The following LCLAT1 variants were observed in gnomAD, a reference collection of about 807,000 sequenced individuals.
LCLAT1 encodes 1-AGP acyltransferase 8.
LCLAT1 carries 11 observed loss-of-function variants against 30.7 expected under a neutral mutation model. The ratio of observed to expected loss-of-function variants is 0.36; its 90% CI spans 0.23 to 0.59. LCLAT1 has a LOEUF of 0.59. Ranked by LOEUF, LCLAT1 falls within the 20% of genes least tolerant of loss-of-function variation. The pLI is 0.77. For missense variants in LCLAT1, 402 were observed against 458.6 expected, an observed-to-expected ratio of 0.88 and a Z score of 1.13; for synonymous variants, 155 against 151.3, an observed-to-expected ratio of 1.02 and a Z score of -0.18.
At chr2:30,619,793 T>C (rs576465707) in intron 5 of LCLAT1, among the ~76,000 whole-genome samples, 1 of 152,124 alleles carries the variant, frequency 6.6e-6, no homozygotes, top group Non-Finnish European at 1.5e-5. Flanking sequence ...TCCCTTTAAG[T>C]TTTTCCCCCC....
intron 1 of LCLAT1, among the ~76,000 whole-genome samples, chr2:30,517,308 T>G (rs1367956054): frequency 6.6e-6 from 1 of 151,142 alleles, no homozygotes; most frequent in East Asian, 1.9e-4. Flanking sequence ...ACCCAGGGAG[T>G]CTTGCCCCTG....
rs1053913171 is a variant in LCLAT1 at position 30,615,596 on chromosome 2, C to G, written c.629-24521C>G. 5.9e-5 allele frequency among the ~76,000 whole-genome samples: 9 copies of G among 152,120 alleles called. No homozygotes were observed. The South Asian group carries it at 1.9e-3, about 32-fold the overall frequency. On this transcript the variant is annotated intron_variant, in intron 5 of 5. Transcript: ENST00000379509. ...CTAGCCTTCATTCCCTGCCGAAAAA[C>G]TTAAATACTTCCACCAAAACTTGTG... is the stretch of plus-strand genomic sequence containing the variant.
chr2:30,571,037 A>G (rs1665755801), intron 5 of LCLAT1, among the ~76,000 whole-genome samples: 1 of 152,208 alleles, frequency 6.6e-6, no homozygotes, highest in Non-Finnish European at 1.5e-5. Flanking sequence ...AAGCTCATGT[A>G]TTATTAAGAC....
chr2:30,633,778 G>T (rs1668882902), intron 5 of LCLAT1, among the ~76,000 whole-genome samples: 1 of 152,192 alleles, frequency 6.6e-6, no homozygotes, highest in South Asian at 2.1e-4. Flanking sequence ...GTTGTTATGA[G>T]ATCACTGAGT....
chr2:30,507,712 T>G (rs976825558), intron 1 of LCLAT1, among the ~76,000 whole-genome samples: 1 of 152,212 alleles, frequency 6.6e-6, no homozygotes, highest in East Asian at 1.9e-4. Flanking sequence ...CAGTCTACCA[T>G]TGATGGGCAT....
chr2:30,500,726 G>T (rs1684333935), intron 1 of LCLAT1, among the ~76,000 whole-genome samples: 1 of 152,122 alleles, frequency 6.6e-6, no homozygotes, highest in Admixed American at 6.5e-5. Flanking sequence ...TCATCATTTT[G>T]CTTGTATCTA....
Position 30,562,302 on chromosome 2 carries a change from C to T in LCLAT1, c.511+10C>T. 1 of 1,582,620 alleles carries T rather than the reference C, an allele frequency of 6.3e-7. No individual in the cohort carries two copies. Among genetic ancestry groups the T allele is most frequent in the Non-Finnish European group, 8.6e-7 (1 of 1,159,502 alleles). ...GGGACTGATCTCACAGGTAATGTAG[C>T]CTGGGTTTGGCAAAGTTAGAAATCA... On this transcript the variant is annotated intron_variant, in intron 4 of 5. Transcript: ENST00000379509.
At chr2:30,489,123 A>C (rs1683705692) in intron 1 of LCLAT1, 1 of 152,210 alleles carries the variant, frequency 6.6e-6, no homozygotes, top group Admixed American at 6.5e-5. Context: ...GACCCTGGCA[A>C]GTATCTTAAT....
chr2:30,473,158 T>C (rs1294411843), intron 1 of LCLAT1, among the ~76,000 whole-genome samples: 1 of 152,192 alleles, frequency 6.6e-6, no homozygotes, highest in Non-Finnish European at 1.5e-5. Flanking sequence ...AAATTATATA[T>C]GTATGACAGT....
intron 5 of LCLAT1, among the ~76,000 whole-genome samples, chr2:30,625,065 AC>A (rs2148520691): frequency 6.6e-6 from 1 of 152,310 alleles, no homozygotes; most frequent in South Asian, 2.1e-4. Context: ...TAGTGATAGA[AC>A]CTATCAAAAC....
At chr2:30,593,078 T>G (rs1006535161) in intron 5 of LCLAT1, among the ~76,000 whole-genome samples, 1 of 152,134 alleles carries the variant, frequency 6.6e-6, no homozygotes, top group South Asian at 2.1e-4. Context: ...CCCCTTCCCT[T>G]GCCAGCCTCT....
chr2:30,536,158 A>G (rs1192569819), intron 3 of LCLAT1, among the ~76,000 whole-genome samples: 1 of 152,218 alleles, frequency 6.6e-6, no homozygotes, highest in African/African-American at 2.4e-5. Flanking sequence ...AACATCATTA[A>G]GCGATCAATT....
chr2:30,587,480 T>A (rs1666495863), intron 5 of LCLAT1, among the ~76,000 whole-genome samples: 1 of 152,238 alleles, frequency 6.6e-6, no homozygotes, highest in African/African-American at 2.4e-5. Context: ...TGAGCGCTAC[T>A]GAATTTAAAA....
At chr2:30,522,375 T>C (rs1357155036) in intron 1 of LCLAT1, among the ~76,000 whole-genome samples, 1 of 152,210 alleles carries the variant, frequency 6.6e-6, no homozygotes, top group South Asian at 2.1e-4. Context: ...TTTTATTGTT[T>C]TAAAATTTTT....
At chr2:30,568,887 GA>G (rs1023760869) in intron 5 of LCLAT1, among the ~76,000 whole-genome samples, 7 of 99,696 alleles carry the variant, frequency 7.0e-5, no homozygotes, top group Non-Finnish European at 1.1e-4. Context: ...AAAAAAAAGA[GA>G]AAAAAAATCT....
At chr2:30,551,217 G>C (rs1229376337) in intron 3 of LCLAT1, among the ~76,000 whole-genome samples, 3 of 152,110 alleles carry the variant, frequency 2.0e-5, no homozygotes, top group Non-Finnish European at 4.4e-5. Flanking sequence ...ACATTGCCCA[G>C]GTTGGTCTTG....
At chr2:30,540,508 C>T (rs1293641708) in intron 3 of LCLAT1, among the ~76,000 whole-genome samples, 2 of 152,088 alleles carry the variant, frequency 1.3e-5, no homozygotes, top group Admixed American at 1.3e-4. Context: ...CATTTCCATC[C>T]ATAGGAATTA....
intron 5 of LCLAT1, among the ~76,000 whole-genome samples, chr2:30,620,896 C>G (rs974107419): frequency 6.6e-6 from 1 of 152,164 alleles, no homozygotes; most frequent in African/African-American, 2.4e-5. Context: ...CAGCTTCTAG[C>G]AACTCCTGGG....
intron 5 of LCLAT1, among the ~76,000 whole-genome samples, chr2:30,568,867 A>AAAAG (rs1160372531): frequency 1.4e-5 from 2 of 142,708 alleles, no homozygotes; most frequent in African/African-American, 5.6e-5. Context: ...TGAATAGCAA[A>AAAAG]AAAAAAAAAA....
Sources: allele counts gnomAD v4.1 joint callset (sites outside exome capture counted in the v4.1 genomes callset), GRCh38; gene constraint gnomAD v4.1.1; transcripts MANE v1.5; gene names NCBI Gene and HGNC (gene_info 2026-07-23, HGNC 2026-07-21).